NCL: variants seen among roughly 807,000 people sequenced by gnomAD.
The protein encoded by NCL is nucleolin multifunctional protein.
Under a neutral mutation model 77.7 loss-of-function variants are expected in NCL, and 4 were observed. The ratio of observed to expected loss-of-function variants is 0.05; its 90% CI spans 0.03 to 0.12. NCL has a LOEUF of 0.12. NCL is among the 10% of genes least tolerant of loss of function. NCL has a pLI of 1.00. For synonymous variants in NCL, 344 were observed against 297.8 expected (o/e 1.16, Z -1.60); for missense variants, 763 against 860.9 (o/e 0.89, Z 1.42).
At position 231,456,713 on chromosome 2, in the gene NCL, A is replaced by G. The variant is rs1387831497; in HGVS notation, c.1623T>C (p.Asn541=). The change falls in exon 11 of 14, where the codon AAT becomes AAC. Residue 541 remains asparagine (N), a synonymous_variant. Coordinates refer to ENST00000322723, the MANE Select transcript of NCL (RefSeq NM_005381.3). Reference sequence around the variant, plus strand: ...CCTCAATTTCCCTTTTATTACAGGAATTTAAAGCTTCTTTAGCGTCTTCGA... The same window carrying G: ...CCTCAATTTCCCTTTTATTACAGGAGTTTAAAGCTTCTTTAGCGTCTTCGA... ...ASFEDAKEAL[N]SCNKREIEGR... 6.2e-7 allele frequency: 1 copy of G among 1,614,196 alleles called. No individual in the cohort carries two copies. The highest frequency in any genetic ancestry group is 8.5e-7 in the Non-Finnish European group (1 of 1,180,040).
rs747246974 is a variant in NCL at position 231,456,463 on chromosome 2, T to A, written c.1705+168A>T. ...ACACAGCTGGATCAGAACTTGACTA[T>A]CTAGAGGAATTTTCTTGAGATTTCA... On this transcript the variant is annotated intron_variant, in intron 11 of 13. Transcript: ENST00000322723. The A allele has an allele frequency of 8.9e-6, 11 of 1,235,922 alleles. No individual in the cohort carries two copies. In the African/African-American group the frequency reaches 1.2e-4, roughly 13 times the overall value. The allele number at this position is 1,235,922 out of a possible 1,614,324, so 76.6% of individuals were successfully genotyped here.
chr2:231,457,389 T>TTG, intron 9 of NCL: 1 of 748,184 alleles, frequency 1.3e-6, no homozygotes, highest in Non-Finnish European at 2.4e-6. Flanking sequence ...TCAAGTCATT[T>TTG]AAAGTATAAA....
chr2:231,457,324 T>C (rs111706495), intron 9 of NCL, 200 bp from the exon 10 acceptor site: 104 of 815,802 alleles, frequency 1.3e-4, no homozygotes, highest in African/African-American at 1.2e-3. Flanking sequence ...TGTTCTTACA[T>C]AGGCTGATGA....
intron 2 of NCL, among the ~76,000 whole-genome samples, chr2:231,462,804 T>C (rs2046964854): frequency 6.6e-6 from 1 of 152,212 alleles, no homozygotes; most frequent in Admixed American, 6.5e-5. Flanking sequence ...AAAGTTTATA[T>C]ATAATGGAAT....
intron 6 of NCL, among the ~76,000 whole-genome samples, chr2:231,459,465 A>T (rs1359559402): frequency 6.6e-6 from 1 of 152,138 alleles, no homozygotes; most frequent in Non-Finnish European, 1.5e-5. Flanking sequence ...GACAGGTCTA[A>T]TAGTTTCAGG....
At chr2:231,458,712 T>C in intron 7 of NCL, 1 of 423,164 alleles carries the variant, frequency 2.4e-6, no homozygotes, top group Non-Finnish European at 4.2e-6. Flanking sequence ...TAATCTAGTT[T>C]CAGTGAAGAA....
At chr2:231,458,206 T>A in intron 8 of NCL, 60 bp downstream of exon 8, 1 of 1,572,962 alleles carries the variant, frequency 6.4e-7, no homozygotes, top group East Asian at 2.2e-5. Flanking sequence ...ATTTCTTTTA[T>A]AAAGCAGGAA....
At chr2:231,462,356 C>T (rs1013505022) in intron 2 of NCL, among the ~76,000 whole-genome samples, 1 of 152,180 alleles carries the variant, frequency 6.6e-6, no homozygotes, top group Non-Finnish European at 1.5e-5. Flanking sequence ...TCATGAATTG[C>T]TATGTGTAAA....
At chr2:231,457,391 A>ACTC in intron 9 of NCL, 1 of 751,524 alleles carries the variant, frequency 1.3e-6, no homozygotes, top group Non-Finnish European at 2.4e-6. Context: ...AAGTCATTTA[A>ACTC]AGTATAAAAC....
Position 231,461,721 on chromosome 2 carries a change from G to T in NCL, c.432C>A (p.Asp144Glu), listed in dbSNP as rs756842110. 31 of 1,614,004 alleles carry T rather than the reference G, an allele frequency of 1.9e-5. No homozygotes were observed. Among genetic ancestry groups the T allele is most frequent in the Non-Finnish European group, 2.6e-5 (31 of 1,180,042 alleles). ...TGTCATCATCCTCCTCTTCATCACTGTCTTCCTTCTTGGCATTCTTGCCAT... is the reference window on the plus strand; with the variant it reads ...TGTCATCATCCTCCTCTTCATCACTTTCTTCCTTCTTGGCATTCTTGCCAT... ...AKNGKNAKKEDSDEEEDDDSE... is the reference protein window; with the variant it reads ...AKNGKNAKKEESDEEEDDDSE... The change falls in exon 3 of 14, where the codon GAC becomes GAA. Residue 144 changes from aspartate (D) to glutamate (E), a missense_variant. This residue lies in a region of NCL where 590 missense variants were observed against 570.5 expected (regional missense o/e 1.03). Coordinates refer to ENST00000322723, the MANE Select transcript of NCL (RefSeq NM_005381.3).
Position 231,461,406 on chromosome 2 carries a change from A to G in NCL, c.613+134T>C. On this transcript the variant is annotated intron_variant, in intron 3 of 13. Coordinates refer to ENST00000322723, the MANE Select transcript of NCL (RefSeq NM_005381.3). ...ATTCATGGGTAATTAAGTCTAGCAC[A>G]CCACAACAACCCAGAGAATTCCCAC... 2.1e-6 allele frequency: 3 copies of G among 1,418,062 alleles called. No individual in the cohort carries two copies. The East Asian group carries it at 6.9e-5, about 32-fold the overall frequency. The allele number at this position is 1,418,062 out of a possible 1,614,324, so 87.8% of individuals were successfully genotyped here.
chr2:231,460,337 A>C, intron 5 of NCL, 44 bp from the exon 6 acceptor site: 1 of 1,613,972 alleles, frequency 6.2e-7, no homozygotes, highest in Non-Finnish European at 8.5e-7. Context: ...AGTGTGGTAA[A>C]AAGTTAGTTT....
chr2:231,463,346 C>A (rs2046969920), intron 1 of NCL, 30 bp from the exon 2 acceptor site: 1 of 1,388,780 alleles, frequency 7.2e-7, no homozygotes, highest in Non-Finnish European at 1.0e-6. Flanking sequence ...ATCATTACAC[C>A]TCCACCTCGA....
At chr2:231,457,375 A>T in intron 9 of NCL, 1 of 755,152 alleles carries the variant, frequency 1.3e-6, no homozygotes, top group Non-Finnish European at 2.4e-6. Flanking sequence ...CAAAACGCAC[A>T]TGGTCAAGTC....
rs140797489 is a variant in NCL, at chr2:231,461,232, C to T, written c.613+308G>A. On this transcript the variant is annotated intron_variant, in intron 3 of 13. Transcript: ENST00000322723. ...TGGAGGCTGCAGTGAGCCGAGATAGCGCGCCATTGCACTCCAGCCTGGGAA... is the reference window on the plus strand; with the variant it reads ...TGGAGGCTGCAGTGAGCCGAGATAGTGCGCCATTGCACTCCAGCCTGGGAA... Among the ~76,000 whole-genome samples, 1,091 of 151,406 alleles carry T rather than the reference C, an allele frequency of 7.2e-3. 11 individuals carry two copies. Among genetic ancestry groups the T allele is most frequent in the African/African-American group, 0.025 (1,038 of 41,200 alleles).
chr2:231,463,624 C>G (rs908378295), intron 1 of NCL: 1 of 334,254 alleles, frequency 3.0e-6, no homozygotes, highest in Non-Finnish European at 5.5e-6. Context: ...CTACAAATCC[C>G]GGTACTTTAT....
Position 231,460,853 on chromosome 2 carries a change from T to C in NCL, c.627A>G (p.Glu209=), listed in dbSNP as rs747891397. The C allele has an allele frequency of 6.2e-7, 1 of 1,613,944 alleles. No individual in the cohort carries two copies. The highest frequency in any genetic ancestry group is 1.3e-5 in the African/African-American group (1 of 75,026). Residue 209 remains glutamate (E), a synonymous_variant, in exon 4 of 14, where the codon GAA becomes GAG. Coordinates refer to ENST00000322723, the MANE Select transcript of NCL (RefSeq NM_005381.3). ...CTTTGGCTGGTGTAGTCTCCATAGC[T>C]TCTTCTTCAGAGTCTGAAAGAGAAG... ...DDDEEDDSEE[E]AMETTPAKGK...
Position 231,455,203 on chromosome 2 carries a change from C to T in NCL, c.2121G>A (p.Thr707=), listed in dbSNP as rs534167329. The stretch of plus-strand genomic sequence containing the variant: ...AGAGGGACAGAAGCTATTCAAACTT[C>T]GTCTTCTTTCCTTGTGGCTTGTGGT... ...GGDHKPQGKK[T]KFE Residue 707 remains threonine, a synonymous_variant, in exon 14 of 14, where the codon ACG becomes ACA. Coordinates refer to ENST00000322723, the MANE Select transcript of NCL (RefSeq NM_005381.3). The T allele has an allele frequency of 3.2e-5, 51 of 1,614,214 alleles. No homozygotes were observed. The African/African-American group carries it at 4.5e-4, about 14-fold the overall frequency.
chr2:231,456,771 A>T lies in NCL; in HGVS notation c.1572-7T>A, dbSNP rs376722407. ...AAACTCTATAAATGCATACCTGAGG[A>T]TGAACAGTTAATGCTTAGAGTAAGT... On this transcript the variant is annotated splice_polypyrimidine_tract_variant and splice_region_variant and intron_variant, in intron 10 of 13. Transcript: ENST00000322723. The T allele has an allele frequency of 7.4e-6, 12 of 1,614,020 alleles. No homozygotes were observed. Among genetic ancestry groups the T allele is most frequent in the Admixed American group, 3.3e-5 (2 of 59,982 alleles).
Sources: allele counts gnomAD v4.1 joint callset (sites outside exome capture counted in the v4.1 genomes callset), GRCh38; gene constraint gnomAD v4.1.1; regional missense constraint gnomAD v4.1.1; transcripts MANE v1.5; gene names NCBI Gene and HGNC (gene_info 2026-07-23, HGNC 2026-07-21).